Variants in LRFN2 observed in about 807,000 individuals in gnomAD.
The protein encoded by LRFN2 is leucine-rich repeat and fibronectin type-III domain-containing protein 2.
LRFN2 carries 18 observed loss-of-function variants against 37.3 expected under a neutral mutation model. The ratio of observed to expected loss-of-function variants is 0.48; its 90% CI spans 0.33 to 0.72. LRFN2 has a LOEUF of 0.72. LRFN2 is among the 30% of genes least tolerant of loss of function. The pLI is 0.02. For missense variants in LRFN2, 1,006 were observed against 1,060.7 expected (o/e 0.95, Z 0.72); for synonymous variants, 556 against 466.6 (o/e 1.19, Z -2.47).
intron 1 of LRFN2, among the ~76,000 whole-genome samples, chr6:40,493,175 G>C (rs189522509): frequency 6.6e-6 from 1 of 152,116 alleles, no homozygotes; most frequent in African/African-American, 2.4e-5. Context: ...CCCGAGCCAA[G>C]GCTGGGTATC....
intron 1 of LRFN2, among the ~76,000 whole-genome samples, chr6:40,566,447 C>T (rs548843937): frequency 5.4e-4 from 82 of 152,306 alleles, no homozygotes; most frequent in African/African-American, 1.7e-3. Flanking sequence ...ATGTTTATTG[C>T]CGCGCTATTC....
intron 1 of LRFN2, among the ~76,000 whole-genome samples, chr6:40,505,098 G>A (rs546561914): frequency 5.6e-4 from 85 of 152,346 alleles, no homozygotes; most frequent in African/African-American, 1.7e-3. Flanking sequence ...GCAGCCAGTG[G>A]GCTCTGTCTG....
At chr6:40,435,284 C>T (rs1763638864) in intron 1 of LRFN2, among the ~76,000 whole-genome samples, 1 of 150,784 alleles carries the variant, frequency 6.6e-6, no homozygotes, top group Non-Finnish European at 1.5e-5. Context: ...CCTTGGCCTC[C>T]TGAGTAACTA....
chr6:40,403,518 G>C (rs1029920756), intron 2 of LRFN2, among the ~76,000 whole-genome samples: 1 of 152,168 alleles, frequency 6.6e-6, no homozygotes, highest in Non-Finnish European at 1.5e-5. Flanking sequence ...AGGCACCCCT[G>C]CCTTACTGGC....
chr6:40,398,494 G>A (rs1762661578), intron 2 of LRFN2, among the ~76,000 whole-genome samples: 1 of 151,756 alleles, frequency 6.6e-6, no homozygotes, highest in Non-Finnish European at 1.5e-5. Flanking sequence ...AGAGTGCAGG[G>A]CAAGGCGGAG....
chr6:40,524,966 G>A (rs1338946657), intron 1 of LRFN2, among the ~76,000 whole-genome samples: 1 of 152,226 alleles, frequency 6.6e-6, no homozygotes, highest in East Asian at 1.9e-4. Context: ...GGAGAACTCG[G>A]TTCTAGTCTT....
chr6:40,534,143 C>A (rs1033816815), intron 1 of LRFN2, among the ~76,000 whole-genome samples: 3 of 152,174 alleles, frequency 2.0e-5, no homozygotes, highest in Non-Finnish European at 2.9e-5. Flanking sequence ...TTCTCTGAAC[C>A]ACTTTCGAAC....
At chr6:40,585,428 C>T (rs1441810615) in intron 1 of LRFN2, among the ~76,000 whole-genome samples, 1 of 152,144 alleles carries the variant, frequency 6.6e-6, no homozygotes, top group Non-Finnish European at 1.5e-5. Context: ...GCTCCAAGTG[C>T]AGGCCTTTTG....
At chr6:40,450,471 G>A (rs150681657) in intron 1 of LRFN2, among the ~76,000 whole-genome samples, 2 of 152,238 alleles carry the variant, frequency 1.3e-5, no homozygotes, top group Non-Finnish European at 2.9e-5. Context: ...GCAAGGGAGA[G>A]AGGGAGGGAG....
chr6:40,529,114 C>T (rs1766305327), intron 1 of LRFN2, among the ~76,000 whole-genome samples: 1 of 152,184 alleles, frequency 6.6e-6, no homozygotes, highest in Non-Finnish European at 1.5e-5. Context: ...GTCACTGCCC[C>T]TCCTGTTCTG....
At chr6:40,579,638 G>A (rs944827726) in intron 1 of LRFN2, among the ~76,000 whole-genome samples, 1 of 131,584 alleles carries the variant, frequency 7.6e-6, no homozygotes, top group African/African-American at 3.0e-5. Context: ...ACACACACAC[G>A]AGAATGCAGG....
intron 2 of LRFN2, among the ~76,000 whole-genome samples, chr6:40,395,974 C>T (rs1762606444): frequency 6.6e-6 from 1 of 152,142 alleles, no homozygotes; most frequent in Non-Finnish European, 1.5e-5. Context: ...ACAGCCACCC[C>T]AGGTCACCAA....
rs549743341 is a variant in LRFN2, at chr6:40,528,995, T to C, written c.-19+57946A>G. 3.9e-5 allele frequency among the ~76,000 whole-genome samples: 6 copies of C among 152,288 alleles called. No individual in the cohort carries two copies. In the South Asian group the frequency reaches 1.2e-3, roughly 32 times the overall value. ...ACTGCCTGGGTGGCTCCTGCTTCTCTAGCAGGCAGGGGCTCCCCACAGACT... is the reference window on the plus strand; with the variant it reads ...ACTGCCTGGGTGGCTCCTGCTTCTCCAGCAGGCAGGGGCTCCCCACAGACT... On this transcript the variant is annotated intron_variant, in intron 1 of 2. Coordinates refer to ENST00000338305, the MANE Select transcript of LRFN2 (RefSeq NM_020737.3).
chr6:40,443,042 A>G (rs1335103819), intron 1 of LRFN2, among the ~76,000 whole-genome samples: 1 of 152,000 alleles, frequency 6.6e-6, no homozygotes, highest in Non-Finnish European at 1.5e-5. Context: ...AATAATTTAG[A>G]AAATCAAATT....
At chr6:40,530,439 A>T (rs1056807749) in intron 1 of LRFN2, among the ~76,000 whole-genome samples, 6 of 152,286 alleles carry the variant, frequency 3.9e-5, no homozygotes, top group Non-Finnish European at 7.3e-5. Flanking sequence ...AAAGACATGG[A>T]AGAAAGCCAT....
At chr6:40,519,598 G>A (rs896037398) in intron 1 of LRFN2, among the ~76,000 whole-genome samples, 4 of 152,226 alleles carry the variant, frequency 2.6e-5, no homozygotes, top group Non-Finnish European at 4.4e-5. Flanking sequence ...GCTGGTCTCA[G>A]GGGTAAGATG....
At position 40,435,052 on chromosome 6, in the gene LRFN2, T is replaced by TAGAGAGAG. The variant is rs1202054790; in HGVS notation, c.-18-1929_-18-1922dup. 5.2e-3 allele frequency among the ~76,000 whole-genome samples: 196 copies of TAGAGAGAG among 37,530 alleles called. 3 individuals are homozygous for TAGAGAGAG. The highest frequency in any genetic ancestry group is 7.9e-3 in the East Asian group (9 of 1,144). The allele number at this position is 37,530 out of a possible 152,430, so 24.6% of individuals were successfully genotyped here. ...ATATATATATATATATATATATATA[T>TAGAGAGAG]AGAGAGAGAGAGAGAGAGAGAGAGA... On this transcript the variant is annotated intron_variant, in intron 1 of 2. Transcript: ENST00000338305.
chr6:40,497,594 T>G, intron 1 of LRFN2, among the ~76,000 whole-genome samples: 1 of 152,186 alleles, frequency 6.6e-6, no homozygotes, highest in Non-Finnish European at 1.5e-5. Flanking sequence ...ATCATGTCTA[T>G]GGGGAACAGA....
chr6:40,580,768 A>G (rs1406498321), intron 1 of LRFN2, among the ~76,000 whole-genome samples: 1 of 152,212 alleles, frequency 6.6e-6, no homozygotes, highest in Non-Finnish European at 1.5e-5. Context: ...GAGTGTGTGC[A>G]TGTATGTGTG....
Sources: gnomAD v4.1 joint callset for allele counts (sites outside exome capture counted in the v4.1 genomes callset) on GRCh38, gnomAD v4.1.1 for gene constraint, MANE v1.5 for transcripts, NCBI Gene and HGNC (gene_info 2026-07-23, HGNC 2026-07-21) for gene names.